MPDZ: variants seen among roughly 807,000 people sequenced by gnomAD.
The protein encoded by MPDZ is multiple PDZ domain crumbs cell polarity complex component, also known as multiple PDZ domain protein.
In MPDZ, 234 loss-of-function variants were observed where a neutral mutation model predicts 239.1. The observed-to-expected ratio is 0.98, with a 90% CI of 0.88 to 1.09. The LOEUF (loss-of-function observed/expected upper bound fraction) is 1.09. Ranked by LOEUF, MPDZ falls within the 50% of genes least tolerant of loss-of-function variation. MPDZ has a pLI of 0.00. For synonymous variants in MPDZ, 1,048 were observed against 881.3 expected, an observed-to-expected ratio of 1.19 and a Z score of -3.35; for missense variants, 3,175 against 2,510.0, an observed-to-expected ratio of 1.26 and a Z score of -5.66.
At chr9:13,238,401 G>C (rs563052513) in intron 3 of MPDZ, among the ~76,000 whole-genome samples, 1 of 152,082 alleles carries the variant, frequency 6.6e-6, no homozygotes, top group Admixed American at 6.6e-5. Context: ...ACCAACCGGA[G>C]AGCCCTACGT....
rs569453294 is a variant in MPDZ, at chr9:13,129,611, T to C, written c.4465-2839A>G. Among the ~76,000 whole-genome samples, 29 of 152,320 alleles carry C rather than the reference T, an allele frequency of 1.9e-4. No individual in the cohort carries two copies. The East Asian group carries it at 3.3e-3, about 17-fold the overall frequency. ...CAACTTACTTTTACCAGAGTGCATATAGTCCTTAGCAAGAAGAGATCTGAG... is the reference window on the plus strand; with the variant it reads ...CAACTTACTTTTACCAGAGTGCATACAGTCCTTAGCAAGAAGAGATCTGAG... On this transcript the variant is annotated intron_variant, in intron 32 of 46. Coordinates refer to ENST00000319217, the MANE Select transcript of MPDZ (RefSeq NM_001378778.1).
intron 17 of MPDZ, among the ~76,000 whole-genome samples, chr9:13,187,418 T>C (rs1389206220): frequency 6.6e-6 from 1 of 152,140 alleles, no homozygotes; most frequent in Non-Finnish European, 1.5e-5. Context: ...CAGAACCAAA[T>C]GCATAATCCA....
At chr9:13,245,313 T>C (rs534318632) in intron 3 of MPDZ, among the ~76,000 whole-genome samples, 2 of 151,222 alleles carry the variant, frequency 1.3e-5, no homozygotes, top group Non-Finnish European at 1.5e-5. Context: ...TAGTAAAGAA[T>C]GGAGATTTAA....
intron 25 of MPDZ, among the ~76,000 whole-genome samples, chr9:13,148,078 C>A (rs953969244): frequency 4.0e-5 from 6 of 151,878 alleles, no homozygotes; most frequent in African/African-American, 1.5e-4. Context: ...GGGGTGATGC[C>A]TTGTATAATT....
At chr9:13,205,164 T>A (rs1956851353) in intron 11 of MPDZ, 57 bp from the exon 12 acceptor site, 2 of 932,394 alleles carry the variant, frequency 2.1e-6, no homozygotes, top group Non-Finnish European at 3.0e-6. Flanking sequence ...GTACTTGAAT[T>A]TTTCTAAACC....
chr9:13,267,389 C>G (rs983286198), intron 1 of MPDZ, among the ~76,000 whole-genome samples: 3 of 152,092 alleles, frequency 2.0e-5, no homozygotes, highest in African/African-American at 7.2e-5. Flanking sequence ...CATTTTCAGA[C>G]AAGAAAATTG....
At chr9:13,227,948 G>C (rs549771925) in intron 3 of MPDZ, among the ~76,000 whole-genome samples, 1 of 152,066 alleles carries the variant, frequency 6.6e-6, no homozygotes, top group South Asian at 2.1e-4. Context: ...CTTTGATTAT[G>C]CTGTAATTGT....
rs751128089 is a variant in MPDZ, at chr9:13,219,602, C to T, written c.1043G>A (p.Gly348Asp). The change falls in exon 8 of 47, where the codon GGC (glycine) becomes GAC (aspartate). Residue 348 changes from glycine to aspartate, a missense_variant. Coordinates refer to ENST00000319217, the MANE Select transcript of MPDZ (RefSeq NM_001378778.1). ...IEERTAPTAL[G>D]ITLSSSPTST... ...AGTTGGGGATGAGGAGAGGGTGATG[C>T]CCAAAGCAGTGGGTGCTGTACGTTC... is the stretch of plus-strand genomic sequence containing the variant. 1.2e-5 allele frequency: 19 copies of T among 1,612,250 alleles called. No individual in the cohort carries two copies. Among genetic ancestry groups the T allele is most frequent in the Non-Finnish European group, 1.6e-5 (19 of 1,179,016 alleles).
chr9:13,216,416 T>C (rs1343412713), intron 10 of MPDZ, among the ~76,000 whole-genome samples: 1 of 151,486 alleles, frequency 6.6e-6, no homozygotes, highest in Non-Finnish European at 1.5e-5. Flanking sequence ...CATCCCTAAT[T>C]CATATTCCAA....
intron 24 of MPDZ, among the ~76,000 whole-genome samples, chr9:13,151,056 A>C (rs529637740): frequency 6.6e-6 from 1 of 152,156 alleles, no homozygotes; most frequent in South Asian, 2.1e-4. Context: ...AAGATGTTTA[A>C]CATCACTAAA....
intron 25 of MPDZ, among the ~76,000 whole-genome samples, chr9:13,148,651 T>C (rs930559864): frequency 2.0e-5 from 3 of 152,032 alleles, no homozygotes; most frequent in Non-Finnish European, 2.9e-5. Flanking sequence ...ATGTCTACTA[T>C]ATATTCCATT....
rs796141074 is a variant in MPDZ, at chr9:13,145,220, G to C, written c.3742-1656C>G. Among the ~76,000 whole-genome samples, 8 of 152,110 alleles carry C rather than the reference G, an allele frequency of 5.3e-5. 1 individual carries two copies. Among genetic ancestry groups the C allele is most frequent in the African/African-American group, 1.9e-4 (8 of 41,530 alleles). ...GACTATTTCTTATTAAAAAACCAAT[G>C]ATGAAACTTCTGTTTATAGTCCCAG... On this transcript the variant is annotated intron_variant, in intron 26 of 46. Coordinates refer to ENST00000319217, the MANE Select transcript of MPDZ (RefSeq NM_001378778.1).
intron 32 of MPDZ, among the ~76,000 whole-genome samples, chr9:13,130,701 C>T (rs969001697): frequency 6.6e-6 from 1 of 152,130 alleles, no homozygotes; most frequent in East Asian, 1.9e-4. Flanking sequence ...TAAGTTGGAT[C>T]TTTAGTGTAT....
rs534508286 is a variant in MPDZ, at chr9:13,257,703, C to T, written c.-57-7331G>A. 3.3e-5 allele frequency among the ~76,000 whole-genome samples: 5 copies of T among 152,220 alleles called. No individual in the cohort carries two copies. In the East Asian group the frequency reaches 9.7e-4, roughly 29 times the overall value. ...ACTGAGATAATCTTACTTTGCACTG[C>T]ATTACTTTTGTGTTTATCAAATTTT... is the stretch of plus-strand genomic sequence containing the variant. On this transcript the variant is annotated intron_variant, in intron 1 of 46. Transcript: ENST00000319217.
chr9:13,191,275 ATTC>A (rs1954882864), intron 15 of MPDZ, among the ~76,000 whole-genome samples: 1 of 152,154 alleles, frequency 6.6e-6, no homozygotes, highest in Non-Finnish European at 1.5e-5. Flanking sequence ...TATGCATTTT[ATTC>A]TTCAAAATTT....
Position 13,223,569 on chromosome 9 carries a change from A to C in MPDZ, c.533+2T>G. ...ACAAAGAAGACGCCGCGACCATCTC[A>C]CCTATGGGCCACACTGCCCTCTTGT... On this transcript the variant is annotated splice_donor_variant, in intron 5 of 46. Transcript: ENST00000319217. LOFTEE classifies it high-confidence loss of function. 1 of 1,607,052 alleles carries C rather than the reference A, an allele frequency of 6.2e-7. No homozygotes were observed. The highest frequency in any genetic ancestry group is 8.5e-7 in the Non-Finnish European group (1 of 1,176,664).
chr9:13,260,917 TC>T (rs1313260362), intron 1 of MPDZ, among the ~76,000 whole-genome samples: 1 of 152,154 alleles, frequency 6.6e-6, no homozygotes, highest in African/African-American at 2.4e-5. Flanking sequence ...ATTCAACCAT[TC>T]CGCAGGCCCT....
chr9:13,275,760 A>AC (rs1974031148), intron 1 of MPDZ, among the ~76,000 whole-genome samples: 1 of 152,142 alleles, frequency 6.6e-6, no homozygotes, highest in Non-Finnish European at 1.5e-5. Flanking sequence ...CTCTCCATTA[A>AC]TTGCTCTTCC....
intron 31 of MPDZ, chr9:13,134,351 C>A (rs1205103131): frequency 6.6e-6 from 1 of 152,130 alleles, no homozygotes; most frequent in Non-Finnish European, 1.5e-5. Context: ...TAAAATACTC[C>A]ATTTCCTTAA....
Sources: gnomAD v4.1 joint callset for allele counts (sites outside exome capture counted in the v4.1 genomes callset) on GRCh38, gnomAD v4.1.1 for gene constraint, MANE v1.5 for transcripts, NCBI Gene and HGNC (gene_info 2026-07-23, HGNC 2026-07-21) for gene names.